Variants in DBT observed in about 807,000 individuals in gnomAD.
The protein encoded by DBT is dihydrolipoamide branched chain transacylase E2.
Under a neutral mutation model 51.3 loss-of-function variants are expected in DBT, and 40 were observed. The observed-to-expected ratio is 0.78, with a 90% CI of 0.61 to 1.02. The LOEUF (loss-of-function observed/expected upper bound fraction) is 1.02, where lower values mean the gene tolerates loss of function less well. Ranked by LOEUF, DBT falls within the 50% of genes least tolerant of loss-of-function variation. DBT has a pLI of 0.00. For synonymous variants in DBT, 181 were observed against 190.4 expected (o/e 0.95, Z 0.41); for missense variants, 510 against 580.2 (o/e 0.88, Z 1.24).
rs1661098209 is a variant in DBT at position 100,196,430 on chromosome 1, TG to T, written c.1282-9del. ...GTTAAATCGGGGAATGGCCTAGAAA[TG>T]AAAAAAAAAAAAAAAAAAAAAAAAA... is the stretch of plus-strand genomic sequence containing the variant. On this transcript the variant is annotated splice_polypyrimidine_tract_variant and intron_variant, in intron 10 of 10. Transcript: ENST00000370132. The T allele has an allele frequency of 3.0e-5, 15 of 504,474 alleles. No homozygotes were observed. The highest frequency in any genetic ancestry group is 2.2e-4 in the African/African-American group (2 of 9,204). 31.2% of individuals were successfully genotyped at this position (504,474 alleles called of 1,614,324 possible).
rs148287321 is a variant in DBT, at chr1:100,240,411, C to T, written c.175+350G>A. On this transcript the variant is annotated intron_variant, in intron 2 of 10. Coordinates refer to ENST00000370132, the MANE Select transcript of DBT (RefSeq NM_001918.5). ...GGCGAGATAAGTTAATGCCTGTAAT[C>T]CCAGCTCTTTGAGAAGCTGAGGCAG... Among the ~76,000 whole-genome samples the T allele has an allele frequency of 2.2e-3, 328 of 152,250 alleles. 2 individuals are homozygous for T. Among genetic ancestry groups the T allele is most frequent in the South Asian group, 0.012 (60 of 4,826 alleles).
At chr1:100,248,801 T>C (rs957734142) in intron 1 of DBT, among the ~76,000 whole-genome samples, 2 of 152,100 alleles carry the variant, frequency 1.3e-5, no homozygotes, top group African/African-American at 4.8e-5. Context: ...TCTCAAGTCA[T>C]ACAGTATCCT....
In DBT at chr1:100,216,095, T is replaced by C; in HGVS notation, c.660A>G (p.Ser220=). Residue 220 remains serine (S), a synonymous_variant, in exon 6 of 11, where the codon TCA becomes TCG. Coordinates refer to ENST00000370132, the MANE Select transcript of DBT (RefSeq NM_001918.5). ...EKQTGAILPP[S]PKVEIMPPPP... is the part of the protein sequence containing the mutation. ...GAGGTGGCATAATTTCAACTTTGGG[T>C]GAAGGAGGCAATATAGCTCCTGTCT... 6.2e-7 allele frequency: 1 copy of C among 1,613,610 alleles called. No homozygotes were observed. Among genetic ancestry groups the C allele is most frequent in the Non-Finnish European group, 8.5e-7 (1 of 1,179,524 alleles).
rs71084809 is a variant in DBT, at chr1:100,225,826, C to CAA, written c.433+4905_433+4906dup. 3.0e-3 allele frequency among the ~76,000 whole-genome samples: 258 copies of CAA among 86,834 alleles called. 15 individuals are homozygous for CAA. The highest frequency in any genetic ancestry group is 5.0e-3 in the Admixed American group (31 of 6,174). 57.0% of individuals were successfully genotyped at this position (86,834 alleles called of 152,430 possible). A position where few individuals can be genotyped will look rare whatever the true frequency, so the allele number is the denominator to read the frequency against. The stretch of plus-strand genomic sequence containing the variant: ...GGAGACAGAGCAAGACTCCATCTCA[C>CAA]AAAAAAAAAAAAAAAAAAAAAATCA... On this transcript the variant is annotated intron_variant, in intron 4 of 10. Coordinates refer to ENST00000370132, the MANE Select transcript of DBT (RefSeq NM_001918.5).
intron 8 of DBT, among the ~76,000 whole-genome samples, chr1:100,208,323 A>C (rs775809758): frequency 1.4e-4 from 22 of 152,158 alleles, no homozygotes; most frequent in Non-Finnish European, 1.3e-4. Context: ...TAATCCAAAA[A>C]AATCTTAAAT....
chr1:100,210,868 A>T, intron 7 of DBT, 97 bp from the exon 8 acceptor site: 2 of 1,571,044 alleles, frequency 1.3e-6, no homozygotes, highest in Non-Finnish European at 8.7e-7. Context: ...GAGAGAGAGA[A>T]CTCTTATTTA....
In DBT at chr1:100,213,458, G is replaced by A. The variant is rs1167632558; in HGVS notation, c.939+1359C>T. The A allele has an allele frequency of 7.4e-5, 116 of 1,562,024 alleles. No individual in the cohort carries two copies. The East Asian group carries it at 2.5e-3, about 34-fold the overall frequency. ...ACGGACACCCACCCACCATCCCAGG[G>A]TCTACAACATCCACAGCTGGACCGT... On this transcript the variant is annotated intron_variant, in intron 7 of 10. Transcript: ENST00000370132.
intron 1 of DBT, among the ~76,000 whole-genome samples, chr1:100,242,661 G>T (rs1664292029): frequency 1.3e-5 from 2 of 152,076 alleles, no homozygotes; most frequent in Non-Finnish European, 2.9e-5. Context: ...TTTCCATTTT[G>T]TTTGTCCTTG....
At chr1:100,203,157 A>T (rs1229731149) in intron 10 of DBT, among the ~76,000 whole-genome samples, 1 of 152,206 alleles carries the variant, frequency 6.6e-6, no homozygotes, top group East Asian at 1.9e-4. Context: ...CAATGAATCC[A>T]GGAGCCGGTT....
intron 10 of DBT, 67 bp from the exon 11 acceptor site, chr1:100,196,489 A>G: frequency 6.5e-7 from 1 of 1,542,114 alleles, no homozygotes; most frequent in Non-Finnish European, 8.7e-7. Context: ...ACTTGTTCAG[A>G]GCTCAAGCTC....
At chr1:100,219,445 A>G (rs892815896) in intron 4 of DBT, among the ~76,000 whole-genome samples, 1 of 152,200 alleles carries the variant, frequency 6.6e-6, no homozygotes, top group African/African-American at 2.4e-5. Flanking sequence ...AAGATAAATT[A>G]TATGAAAGAA....
chr1:100,228,675 G>A (rs1164944823), intron 4 of DBT, among the ~76,000 whole-genome samples: 2 of 152,098 alleles, frequency 1.3e-5, no homozygotes, highest in Non-Finnish European at 2.9e-5. Flanking sequence ...TGGGAGAGTC[G>A]CTTGAACCTA....
chr1:100,207,418 A>T (rs1661853265), intron 8 of DBT, among the ~76,000 whole-genome samples: 1 of 152,218 alleles, frequency 6.6e-6, no homozygotes, highest in South Asian at 2.1e-4. Context: ...TAAAAAGTAT[A>T]TTCAATATTT....
At chr1:100,204,627 A>T (rs999068369) in intron 10 of DBT, among the ~76,000 whole-genome samples, 4 of 152,172 alleles carry the variant, frequency 2.6e-5, no homozygotes, top group Admixed American at 2.6e-4. Context: ...TGGAACCAAA[A>T]AAAAAGCCCA....
At chr1:100,244,118 T>C (rs1322716437) in intron 1 of DBT, among the ~76,000 whole-genome samples, 3 of 151,856 alleles carry the variant, frequency 2.0e-5, no homozygotes, top group African/African-American at 4.8e-5. Flanking sequence ...TGGGCTTTTT[T>C]TTCACGTTAG....
Position 100,196,248 on chromosome 1 carries a change from T to C in DBT, c.*7A>G, listed in dbSNP as rs749420003. The C allele has an allele frequency of 1.9e-6, 3 of 1,612,844 alleles. No homozygotes were observed. The highest frequency in any genetic ancestry group is 1.1e-5 in the South Asian group (1 of 91,050). ...GCTCAAAAAGTTCAAGAATGTCTTATCAGTCTTCATTTCAGATCTAGTAGC... is the reference window on the plus strand; with the variant it reads ...GCTCAAAAAGTTCAAGAATGTCTTACCAGTCTTCATTTCAGATCTAGTAGC... On this transcript the variant is annotated 3_prime_UTR_variant, in exon 11 of 11. Transcript: ENST00000370132.
intron 5 of DBT, among the ~76,000 whole-genome samples, chr1:100,217,868 T>C (rs1184613838): frequency 6.6e-6 from 1 of 152,262 alleles, no homozygotes; most frequent in Non-Finnish European, 1.5e-5. Flanking sequence ...ATATAACATC[T>C]AACAGCACAG....
chr1:100,233,564 C>T (rs180993179), intron 3 of DBT, among the ~76,000 whole-genome samples: 1 of 152,318 alleles, frequency 6.6e-6, no homozygotes, highest in Non-Finnish European at 1.5e-5. Flanking sequence ...GGTTGTTCCT[C>T]AGTGCCGTAA....
At chr1:100,233,155 T>C (rs1256535386) in intron 3 of DBT, among the ~76,000 whole-genome samples, 1 of 152,010 alleles carries the variant, frequency 6.6e-6, no homozygotes, top group Non-Finnish European at 1.5e-5. Context: ...TCTCAGGAGT[T>C]TGAGACCAGC....
Sources: gnomAD v4.1 joint callset for allele counts (sites outside exome capture counted in the v4.1 genomes callset) on GRCh38, gnomAD v4.1.1 for gene constraint, MANE v1.5 for transcripts, NCBI Gene and HGNC (gene_info 2026-07-23, HGNC 2026-07-21) for gene names.